The following ITGA6 variants were observed in gnomAD, a reference collection of about 807,000 sequenced individuals.
The protein encoded by ITGA6 is integrin subunit alpha 6, also known as integrin alpha-6.
ITGA6 carries 63 observed loss-of-function variants against 133.6 expected under a neutral mutation model. The observed-to-expected ratio is 0.47, with a 90% CI of 0.38 to 0.58. The LOEUF (loss-of-function observed/expected upper bound fraction) is 0.58. Among genes scored for constraint, ITGA6 ranks in the 20% least tolerant of loss-of-function variants. The pLI, the probability that ITGA6 is intolerant of heterozygous loss-of-function variation, is 0.00. For synonymous variants in ITGA6, 434 were observed against 482.0 expected (o/e 0.90, Z 1.30); for missense variants, 1,068 against 1,309.4 (o/e 0.82, Z 2.85).
intron 2 of ITGA6, chr2:172,465,894 T>C (rs1685649609): frequency 3.2e-6 from 2 of 630,242 alleles, no homozygotes; most frequent in African/African-American, 1.8e-5. Context: ...TAAACCGATA[T>C]GGTGTAGGGA....
chr2:172,499,710 A>G (rs753293015), intron 24 of ITGA6, among the ~76,000 whole-genome samples: 15 of 152,144 alleles, frequency 9.9e-5, no homozygotes, highest in Non-Finnish European at 1.8e-4. Flanking sequence ...TTGATATTTG[A>G]GGATGATGTT....
chr2:172,428,239 A>T (rs1488504339), intron 1 of ITGA6: 1 of 200,370 alleles, frequency 5.0e-6, no homozygotes, highest in African/African-American at 2.3e-5. Flanking sequence ...TGTTTTAAAC[A>T]AAGTGCTTTC....
chr2:172,428,864 A>T (rs1311963772), intron 1 of ITGA6, among the ~76,000 whole-genome samples: 14 of 152,218 alleles, frequency 9.2e-5, no homozygotes, highest in Non-Finnish European at 1.5e-5. Context: ...TGGTTCCCAC[A>T]TGATCGGCTA....
At chr2:172,464,771 C>T (rs76293993) in intron 1 of ITGA6, among the ~76,000 whole-genome samples, 2,342 of 152,216 alleles carry the variant, frequency 0.015, 54 homozygotes, top group African/African-American at 0.052. Context: ...TGGAGCTACA[C>T]CAGTTGTCCC....
rs1686369967 is a variant in ITGA6 at position 172,480,134 on chromosome 2, T to G, written c.1549+83T>G. On this transcript the variant is annotated intron_variant, in intron 11 of 25. Coordinates refer to ENST00000684293, the MANE Select transcript of ITGA6 (RefSeq NM_000210.4). The stretch of plus-strand genomic sequence containing the variant: ...TGCATAAATCACAGAAAAATAAAAC[T>G]GCAGTGGCCAACATGGGTCTGTCAA... 3 of 811,696 alleles carry G rather than the reference T, an allele frequency of 3.7e-6. No homozygotes were observed. The South Asian group carries it at 4.2e-5, about 11-fold the overall frequency. 50.3% of individuals were successfully genotyped at this position (811,696 alleles called of 1,614,324 possible).
intron 1 of ITGA6, 166 bp downstream of exon 1, chr2:172,428,136 G>T: frequency 2.2e-6 from 1 of 447,074 alleles, no homozygotes; most frequent in South Asian, 1.1e-4. Context: ...TCCCCGCCCT[G>T]ACCCGCCCCG....
chr2:172,462,028 AG>A (rs1191465597), intron 1 of ITGA6, among the ~76,000 whole-genome samples: 1 of 152,230 alleles, frequency 6.6e-6, no homozygotes, highest in East Asian at 1.9e-4. Context: ...AGGCGAATTA[AG>A]AGCCTTTGCT....
At chr2:172,463,365 A>C (rs1042287301) in intron 1 of ITGA6, among the ~76,000 whole-genome samples, 1 of 152,156 alleles carries the variant, frequency 6.6e-6, no homozygotes, top group Non-Finnish European at 1.5e-5. Context: ...TTACCTTTAC[A>C]GGAAATCTCT....
chr2:172,459,206 A>AGTAGAGAACGTG (rs1434035530), intron 1 of ITGA6, among the ~76,000 whole-genome samples: 2 of 152,186 alleles, frequency 1.3e-5, no homozygotes, highest in African/African-American at 4.8e-5. Context: ...CCTTGGGTAA[A>AGTAGAGAACGTG]GTAGAGAACG....
chr2:172,484,786 T>A lies in ITGA6; in HGVS notation c.1554T>A (p.Ile518=). The stretch of plus-strand genomic sequence containing the variant: ...TATGATTTTAATTTTATCTAGCAAT[T>A]GTGGGCACACTTGAAGCTGAAAAAG... ...NPAGYNPSIS[I]VGTLEAEKER... The change falls in exon 12 of 26, where the codon ATT becomes ATA. Residue 518 remains isoleucine, a synonymous_variant. Transcript: ENST00000684293. 1 of 1,614,000 alleles carries A rather than the reference T, an allele frequency of 6.2e-7. No homozygotes were observed. The highest frequency in any genetic ancestry group is 8.5e-7 in the Non-Finnish European group (1 of 1,179,850).
rs754621187 is a variant in ITGA6, at chr2:172,469,179, C to A, written c.442C>A (p.Arg148=). Residue 148 remains arginine (R), a synonymous_variant, in exon 4 of 26, where the codon CGA becomes AGA. Coordinates refer to ENST00000684293, the MANE Select transcript of ITGA6 (RefSeq NM_000210.4). ...GCATGTTAATACGAAGCAGGAATCC[C>A]GAGACATCTTTGGGCGGTGTTATGT... ...RQHVNTKQES[R]DIFGRCYVLS... The A allele has an allele frequency of 1.9e-6, 3 of 1,614,058 alleles. No individual in the cohort carries two copies. Among genetic ancestry groups the A allele is most frequent in the African/African-American group, 2.7e-5 (2 of 75,006 alleles).
intron 2 of ITGA6, among the ~76,000 whole-genome samples, 167 bp from the exon 3 acceptor site, chr2:172,467,314 C>G (rs1685723057): frequency 6.6e-6 from 1 of 152,242 alleles, no homozygotes; most frequent in African/African-American, 2.4e-5. Context: ...AACCACATCT[C>G]TGTTTCCTTG....
At chr2:172,457,659 T>C (rs999876428) in intron 1 of ITGA6, among the ~76,000 whole-genome samples, 15 of 152,218 alleles carry the variant, frequency 9.9e-5, no homozygotes, top group African/African-American at 3.1e-4. Flanking sequence ...TTCCCCGTTA[T>C]ATTCATTTAT....
intron 3 of ITGA6, among the ~76,000 whole-genome samples, 198 bp downstream of exon 3, chr2:172,467,758 G>C (rs1389869148): frequency 1.3e-5 from 2 of 152,076 alleles, no homozygotes; most frequent in Admixed American, 6.5e-5. Context: ...AGGCCAAGGC[G>C]GGCGGATCAC....
At position 172,505,145 on chromosome 2, in the gene ITGA6, A is replaced by G. The variant is rs527330198; in HGVS notation, c.*1077A>G. 6.5e-6 allele frequency: 1 copy of G among 152,788 alleles called. No individual in the cohort carries two copies. The highest frequency in any genetic ancestry group is 1.5e-5 in the Non-Finnish European group (1 of 68,030). 9.5% of individuals were successfully genotyped at this position (152,788 alleles called of 1,614,324 possible). A position where few individuals can be genotyped will look rare whatever the true frequency, so the allele number is the denominator to read the frequency against. On this transcript the variant is annotated 3_prime_UTR_variant, in exon 26 of 26. Coordinates refer to ENST00000684293, the MANE Select transcript of ITGA6 (RefSeq NM_000210.4). ...CTCCACCCCACAACCCAAAAGGTTTAAGAAATAGAATTATAACTGTAAAGA... is the reference window on the plus strand; with the variant it reads ...CTCCACCCCACAACCCAAAAGGTTTGAGAAATAGAATTATAACTGTAAAGA...
upstream of ITGA6, chr2:172,427,576 T>G (rs1438818263): frequency 2.4e-6 from 3 of 1,243,358 alleles, no homozygotes; most frequent in Non-Finnish European, 3.0e-6. Flanking sequence ...CCTGCGAGTC[T>G]CCAGAGAACA....
intron 19 of ITGA6, 29 bp downstream of exon 19, chr2:172,488,257 A>T (rs891459484): frequency 2.8e-6 from 4 of 1,434,346 alleles, no homozygotes; most frequent in African/African-American, 2.8e-5. Flanking sequence ...TCTTTTCATT[A>T]TACCAAAAGC....
chr2:172,477,754 C>T (rs1043672012), intron 9 of ITGA6, among the ~76,000 whole-genome samples: 2 of 152,156 alleles, frequency 1.3e-5, no homozygotes, highest in African/African-American at 2.4e-5. Context: ...GAGTAACTTC[C>T]CCTTATTTTA....
chr2:172,477,658 G>A (rs942686543), intron 9 of ITGA6, among the ~76,000 whole-genome samples: 50 of 152,176 alleles, frequency 3.3e-4, no homozygotes, highest in Non-Finnish European at 8.8e-5. Flanking sequence ...CTCATAAGTA[G>A]GTTGACTGTC....
Sources: gnomAD v4.1 joint callset for allele counts (sites outside exome capture counted in the v4.1 genomes callset) on GRCh38, gnomAD v4.1.1 for gene constraint, MANE v1.5 for transcripts, NCBI Gene and HGNC (gene_info 2026-07-23, HGNC 2026-07-21) for gene names.